EML4: variants seen among roughly 807,000 people sequenced by gnomAD.
The protein encoded by EML4 is EMAP like 4, also known as echinoderm microtubule-associated protein-like 4.
A neutral mutation model predicts 129.0 loss-of-function variants in EML4; 72 were observed. The ratio of observed to expected loss-of-function variants is 0.56; its 90% CI spans 0.46 to 0.68. EML4 has a LOEUF of 0.68. Ranked by LOEUF, EML4 falls within the 30% of genes least tolerant of loss-of-function variation. The probability of loss-of-function intolerance (pLI) is 0.00; values close to 1 mark genes in which losing one functional copy is unlikely to be tolerated. For synonymous variants in EML4, 532 were observed against 405.0 expected (o/e 1.31, Z -3.77); for missense variants, 1,363 against 1,190.6 (o/e 1.14, Z -2.13).
chr2:42,282,483 T>C (rs1277860260), intron 7 of EML4, among the ~76,000 whole-genome samples: 1 of 152,092 alleles, frequency 6.6e-6, no homozygotes, highest in Non-Finnish European at 1.5e-5. Context: ...TGACCTGACC[T>C]CCTGGGCTCA....
At chr2:42,194,850 T>A (rs1216514549) in intron 1 of EML4, among the ~76,000 whole-genome samples, 4 of 152,126 alleles carry the variant, frequency 2.6e-5, no homozygotes, top group African/African-American at 9.7e-5. Context: ...ATTTGTTCCT[T>A]AGGGCTTTGG....
chr2:42,218,870 T>A (rs1240306650), intron 1 of EML4, among the ~76,000 whole-genome samples: 1 of 152,176 alleles, frequency 6.6e-6, no homozygotes, highest in Non-Finnish European at 1.5e-5. Flanking sequence ...TGCTGTGTTG[T>A]CCAGCCTAGA....
At chr2:42,227,287 T>C (rs906576145) in intron 1 of EML4, among the ~76,000 whole-genome samples, 1 of 152,036 alleles carries the variant, frequency 6.6e-6, no homozygotes, top group Admixed American at 6.6e-5. Context: ...TGGTTTTTTT[T>C]AATTTTTAAT....
chr2:42,188,066 A>G (rs1671365427), intron 1 of EML4, among the ~76,000 whole-genome samples: 1 of 152,188 alleles, frequency 6.6e-6, no homozygotes, highest in African/African-American at 2.4e-5. Context: ...GTTCCAGCAC[A>G]ATTGAACTAA....
intron 6 of EML4, among the ~76,000 whole-genome samples, chr2:42,274,383 A>G (rs867859291): frequency 2.0e-5 from 3 of 152,336 alleles, no homozygotes; most frequent in Middle Eastern, 3.4e-3. Flanking sequence ...TTACACAAAT[A>G]ATTACAATCA....
chr2:42,286,184 T>A (rs1273867656), intron 9 of EML4, 85 bp from the exon 10 acceptor site: 1 of 820,626 alleles, frequency 1.2e-6, no homozygotes, highest in Non-Finnish European at 2.2e-6. Context: ...CCCTATTACT[T>A]TTTTAAATGG....
chr2:42,286,348 G>T lies in EML4; in HGVS notation c.1091G>T (p.Arg364Leu), dbSNP rs760285260. Residue 364 changes from arginine to leucine, a missense_variant, in exon 10 of 23, where the codon CGT (arginine) becomes CTT (leucine). Arg to Leu is a moderately radical substitution (Grantham distance 102, BLOSUM62 -2). Coordinates refer to ENST00000318522, the MANE Select transcript of EML4 (RefSeq NM_019063.5). ...ATTATTGGACTTGGCACTTTTGAGC[G>T]TGGAGTAGGATGCCTGGATTTTTCA... ...LQIIGLGTFE[R>L]GVGCLDFSKA... 1 of 1,612,924 alleles carries T rather than the reference G, an allele frequency of 6.2e-7. No individual in the cohort carries two copies. The highest frequency in any genetic ancestry group is 8.5e-7 in the Non-Finnish European group (1 of 1,178,934).
intron 11 of EML4, among the ~76,000 whole-genome samples, chr2:42,291,566 G>T (rs886742778): frequency 5.9e-5 from 9 of 151,972 alleles, no homozygotes; most frequent in Non-Finnish European, 1.2e-4. Context: ...ACCATGCCCA[G>T]CTAATTTTTG....
chr2:42,234,382 A>G (rs1674531296), intron 1 of EML4, among the ~76,000 whole-genome samples: 2 of 152,180 alleles, frequency 1.3e-5, no homozygotes, highest in South Asian at 2.1e-4. Context: ...TGCTTACAAC[A>G]TCGGTGGTGG....
At chr2:42,256,114 T>A (rs2104355840) in intron 2 of EML4, among the ~76,000 whole-genome samples, 1 of 152,320 alleles carries the variant, frequency 6.6e-6, no homozygotes, top group East Asian at 1.9e-4. Context: ...TATTTATGGT[T>A]TCTAGGATTT....
intron 9 of EML4, among the ~76,000 whole-genome samples, chr2:42,285,067 C>CTTAA (rs71408093): frequency 0.48 from 71,341 of 149,716 alleles, 17,536 homozygotes; most frequent in African/African-American, 0.59. Context: ...TATTTACTTT[C>CTTAA]TTAATTAATT....
intron 16 of EML4, among the ~76,000 whole-genome samples, chr2:42,303,728 A>G (rs1248910310): frequency 2.6e-5 from 4 of 152,194 alleles, no homozygotes; most frequent in Admixed American, 1.3e-4. Context: ...GATCGAGACC[A>G]TCCTGGCTAA....
At chr2:42,260,672 A>T (rs889598075) in intron 3 of EML4, among the ~76,000 whole-genome samples, 18 of 152,222 alleles carry the variant, frequency 1.2e-4, no homozygotes, top group African/African-American at 4.3e-4. Context: ...GTAAGTTTAA[A>T]ACTCAATTGA....
chr2:42,258,287 G>C (rs1467417344), intron 3 of EML4, among the ~76,000 whole-genome samples: 1 of 151,778 alleles, frequency 6.6e-6, no homozygotes, highest in African/African-American at 2.4e-5. Flanking sequence ...TCTGTTTTTT[G>C]TTTTTGTTTT....
chr2:42,282,243 A>T (rs902282392), intron 7 of EML4, among the ~76,000 whole-genome samples: 2 of 151,812 alleles, frequency 1.3e-5, no homozygotes, highest in African/African-American at 2.4e-5. Flanking sequence ...TTTTTTGTTC[A>T]GAACTGAATG....
At chr2:42,211,035 C>G (rs1210386737) in intron 1 of EML4, among the ~76,000 whole-genome samples, 2 of 152,188 alleles carry the variant, frequency 1.3e-5, no homozygotes, top group Non-Finnish European at 2.9e-5. Context: ...TCTTCTGTCT[C>G]TTACACACTT....
chr2:42,229,721 GA>G (rs1674201645), intron 1 of EML4, among the ~76,000 whole-genome samples: 1 of 152,008 alleles, frequency 6.6e-6, no homozygotes, highest in South Asian at 2.1e-4. Context: ...ATAGTAAGAG[GA>G]AAACTCTAGC....
At chr2:42,227,548 A>T (rs577512770) in intron 1 of EML4, among the ~76,000 whole-genome samples, 2 of 151,182 alleles carry the variant, frequency 1.3e-5, no homozygotes, top group South Asian at 4.2e-4. Flanking sequence ...CCAGCAACTC[A>T]ATTTTGTGTG....
chr2:42,330,226 A>G lies in EML4; in HGVS notation c.*19A>G, dbSNP rs1242828197. The stretch of plus-strand genomic sequence containing the variant: ...GTCCTAACACCCTGGCTTCAGTGCA[A>G]CTCTTTTCCTTCAGCTGCATGTGAT... On this transcript the variant is annotated 3_prime_UTR_variant, in exon 23 of 23. Coordinates refer to ENST00000318522, the MANE Select transcript of EML4 (RefSeq NM_019063.5). 11 of 1,601,526 alleles carry G rather than the reference A, an allele frequency of 6.9e-6. No homozygotes were observed. Among genetic ancestry groups the G allele is most frequent in the South Asian group, 3.3e-5 (3 of 90,666 alleles).
Sources: allele counts gnomAD v4.1 joint callset (sites outside exome capture counted in the v4.1 genomes callset), GRCh38; gene constraint gnomAD v4.1.1; transcripts MANE v1.5; gene names NCBI Gene and HGNC (gene_info 2026-07-23, HGNC 2026-07-21).